The following DCC variants were observed in gnomAD, a reference collection of about 807,000 sequenced individuals.
DCC encodes the protein netrin receptor DCC.
A neutral mutation model predicts 172.5 loss-of-function variants in DCC; 58 were observed. The observed-to-expected ratio is 0.34, with a 90% CI of 0.27 to 0.42. The LOEUF (loss-of-function observed/expected upper bound fraction) is 0.42. DCC is among the 10% of genes least tolerant of loss of function. The pLI, the probability that DCC is intolerant of heterozygous loss-of-function variation, is 1.00. For synonymous variants in DCC, 709 were observed against 644.5 expected (o/e 1.10, Z -1.52); for missense variants, 1,740 against 1,791.0 (o/e 0.97, Z 0.51).
At chr18:53,312,198 TGTG>T (rs139723085) in intron 13 of DCC, among the ~76,000 whole-genome samples, 77,443 of 142,480 alleles carry the variant, frequency 0.54, 21,659 homozygotes, top group East Asian at 0.72. Context: ...ATTAGCCTGG[TGTG>T]GTGGTGGCGG....
In DCC at chr18:53,532,412, T is replaced by C. The variant is rs1332991223; in HGVS notation, c.*1759T>C. On this transcript the variant is annotated 3_prime_UTR_variant, in exon 29 of 29. Transcript: ENST00000442544. ...AGAAAGTCCGGTCCATTTGCGAATT[T>C]GTTCCTTCAACAAGAGTGCTCATTC... 6.6e-6 allele frequency: 1 copy of C among 152,216 alleles called. No homozygotes were observed. Among genetic ancestry groups the C allele is most frequent in the Non-Finnish European group, 1.5e-5 (1 of 68,034 alleles). The allele number at this position is 152,216 out of a possible 1,614,324, so 9.4% of individuals were successfully genotyped here. A position where few individuals can be genotyped will look rare whatever the true frequency, so the allele number is the denominator to read the frequency against.
chr18:52,924,061 C>A (rs575150284), intron 4 of DCC, among the ~76,000 whole-genome samples: 1 of 152,118 alleles, frequency 6.6e-6, no homozygotes, highest in East Asian at 1.9e-4. Context: ...GATCAAAATC[C>A]ATGGGATCAA....
At chr18:53,152,898 TAA>T (rs1484520251) in intron 7 of DCC, among the ~76,000 whole-genome samples, 1 of 152,122 alleles carries the variant, frequency 6.6e-6, no homozygotes, top group Non-Finnish European at 1.5e-5. Context: ...TAAACTGAGG[TAA>T]AGAGTCCGTG....
intron 2 of DCC, among the ~76,000 whole-genome samples, chr18:52,899,925 G>A (rs1007070946): frequency 1.3e-5 from 2 of 152,074 alleles, no homozygotes; most frequent in South Asian, 2.1e-4. Flanking sequence ...TTCAACATAC[G>A]TTTGATGGCC....
chr18:52,521,218 G>A (rs913657013), intron 1 of DCC, among the ~76,000 whole-genome samples: 5 of 152,022 alleles, frequency 3.3e-5, no homozygotes, highest in African/African-American at 1.2e-4. Flanking sequence ...TTTGTAATTA[G>A]AGGAAATTAA....
chr18:52,394,272 T>G (rs185401968), intron 1 of DCC, among the ~76,000 whole-genome samples: 44 of 152,040 alleles, frequency 2.9e-4, no homozygotes, highest in East Asian at 1.2e-3. Flanking sequence ...TGATGATTAT[T>G]ATTATTATTA....
At chr18:52,891,411 G>A (rs2039648994) in intron 2 of DCC, among the ~76,000 whole-genome samples, 1 of 152,052 alleles carries the variant, frequency 6.6e-6, no homozygotes, top group African/African-American at 2.4e-5. Flanking sequence ...TGAATGACAT[G>A]GATGAATGTA....
chr18:53,022,174 A>G (rs9950125), intron 5 of DCC, among the ~76,000 whole-genome samples: 81,618 of 151,934 alleles, frequency 0.54, 22,213 homozygotes, highest in Middle Eastern at 0.59. Context: ...TTAAATATTC[A>G]GGATTTAGCA....
At chr18:52,550,115 A>C (rs1469835732) in intron 1 of DCC, among the ~76,000 whole-genome samples, 1 of 152,026 alleles carries the variant, frequency 6.6e-6, no homozygotes, top group Non-Finnish European at 1.5e-5. Flanking sequence ...TGAGAATGAC[A>C]CTTTACCTCT....
At chr18:52,389,676 C>T (rs1307069248) in intron 1 of DCC, among the ~76,000 whole-genome samples, 1 of 151,990 alleles carries the variant, frequency 6.6e-6, no homozygotes, top group Non-Finnish European at 1.5e-5. Context: ...ACATTTGCAA[C>T]AAGGAAACAG....
intron 1 of DCC, among the ~76,000 whole-genome samples, chr18:52,611,664 A>C (rs1187778304): frequency 6.6e-6 from 1 of 152,226 alleles, no homozygotes; most frequent in Non-Finnish European, 1.5e-5. Context: ...ATTCAAATCT[A>C]CTTTAGAATT....
chr18:53,506,512 TAAAC>T (rs1032181047), intron 27 of DCC, among the ~76,000 whole-genome samples: 11 of 152,096 alleles, frequency 7.2e-5, no homozygotes, highest in African/African-American at 2.2e-4. Flanking sequence ...TTTATGAAAA[TAAAC>T]AGACATGCAG....
chr18:52,711,959 C>T (rs1048362435), intron 1 of DCC, among the ~76,000 whole-genome samples: 2 of 149,648 alleles, frequency 1.3e-5, no homozygotes, highest in Non-Finnish European at 2.9e-5. Context: ...AAAATAGTTT[C>T]CCACTTAATT....
chr18:52,742,884 C>T (rs1279001282), intron 1 of DCC, among the ~76,000 whole-genome samples: 1 of 152,016 alleles, frequency 6.6e-6, no homozygotes, highest in East Asian at 1.9e-4. Flanking sequence ...ATGATCACAA[C>T]CATGTGGATA....
At chr18:52,684,342 A>G (rs2035795076) in intron 1 of DCC, among the ~76,000 whole-genome samples, 2 of 151,582 alleles carry the variant, frequency 1.3e-5, no homozygotes, top group African/African-American at 4.8e-5. Flanking sequence ...TTTTCCCACA[A>G]TTAAAATCTT....
intron 1 of DCC, among the ~76,000 whole-genome samples, chr18:52,721,519 ACTTTTAACTC>A (rs759014944): frequency 1.3e-5 from 2 of 152,198 alleles, no homozygotes; most frequent in Non-Finnish European, 2.9e-5. Flanking sequence ...TGTGAAGCCA[ACTTTTAACTC>A]CTAGATAATA....
intron 1 of DCC, among the ~76,000 whole-genome samples, chr18:52,690,982 C>T (rs758624089): frequency 2.0e-5 from 3 of 152,038 alleles, no homozygotes; most frequent in Non-Finnish European, 2.9e-5. Context: ...AGGTCTGCCT[C>T]TCCAGGGAAT....
At chr18:52,484,955 C>A (rs908748240) in intron 1 of DCC, among the ~76,000 whole-genome samples, 1 of 151,948 alleles carries the variant, frequency 6.6e-6, no homozygotes, top group African/African-American at 2.4e-5. Context: ...CTTTCCTGTC[C>A]AAGAAATTGT....
chr18:52,985,984 C>T (rs753804971), intron 5 of DCC, among the ~76,000 whole-genome samples: 1 of 152,132 alleles, frequency 6.6e-6, no homozygotes, highest in Non-Finnish European at 1.5e-5. Context: ...GTTGGCTGTT[C>T]TCTTGGGTTA....
Sources: gnomAD v4.1 joint callset for allele counts (sites outside exome capture counted in the v4.1 genomes callset) on GRCh38, gnomAD v4.1.1 for gene constraint, MANE v1.5 for transcripts, NCBI Gene and HGNC (gene_info 2026-07-23, HGNC 2026-07-21) for gene names.